The following NAALADL2 variants were observed in gnomAD, a reference collection of about 807,000 sequenced individuals.
The protein encoded by NAALADL2 is inactive N-acetylated-alpha-linked acidic dipeptidase-like protein 2.
NAALADL2 carries 76 observed loss-of-function variants against 87.2 expected under a neutral mutation model. The observed-to-expected ratio is 0.87, with a 90% CI of 0.72 to 1.05. The LOEUF is 1.05. Ranked by LOEUF, NAALADL2 falls within the 50% of genes least tolerant of loss-of-function variation. The pLI is 0.00. For missense variants in NAALADL2, 1,089 were observed against 945.8 expected (o/e 1.15, Z -1.99); for synonymous variants, 354 against 331.0 (o/e 1.07, Z -0.75).
intron 3 of NAALADL2, among the ~76,000 whole-genome samples, chr3:175,245,867 C>T (rs79082816): frequency 2.3e-4 from 35 of 152,240 alleles, no homozygotes; most frequent in Non-Finnish European, 5.0e-4. Flanking sequence ...GTACTAGTTA[C>T]CAAATATTTT....
At chr3:175,745,042 C>A (rs1217126556) in intron 12 of NAALADL2, among the ~76,000 whole-genome samples, 2 of 151,868 alleles carry the variant, frequency 1.3e-5, no homozygotes, top group East Asian at 3.9e-4. Context: ...TCTCTGAAAC[C>A]CAATTGCATT....
chr3:175,385,182 A>G (rs1024996938), intron 5 of NAALADL2, among the ~76,000 whole-genome samples: 4 of 152,130 alleles, frequency 2.6e-5, no homozygotes, highest in African/African-American at 9.7e-5. Context: ...GGCCCAATGC[A>G]TCAATTTCCA....
At chr3:174,931,022 T>A (rs1008148154) in intron 1 of NAALADL2, among the ~76,000 whole-genome samples, 1 of 151,872 alleles carries the variant, frequency 6.6e-6, no homozygotes, top group African/African-American at 2.4e-5. Flanking sequence ...ACTATCAGGT[T>A]CTTGATGAGA....
At chr3:175,488,386 T>C (rs1727608075) in intron 9 of NAALADL2, among the ~76,000 whole-genome samples, 1 of 152,240 alleles carries the variant, frequency 6.6e-6, no homozygotes, top group Non-Finnish European at 1.5e-5. Context: ...TTGTGGGATA[T>C]GTTAAGCATT....
intron 2 of NAALADL2, among the ~76,000 whole-genome samples, chr3:174,578,990 A>G (rs1326190008): frequency 6.6e-6 from 1 of 152,020 alleles, no homozygotes. Context: ...CACAAAGAAA[A>G]ATATGCACAT....
chr3:175,268,942 A>AT (rs71164626), intron 4 of NAALADL2, among the ~76,000 whole-genome samples: 18,947 of 142,956 alleles, frequency 0.13, 1,403 homozygotes, highest in Non-Finnish European at 0.18. Context: ...TAACTATTTA[A>AT]TTTTTTTTTT....
intron 5 of NAALADL2, among the ~76,000 whole-genome samples, chr3:175,353,804 G>A (rs765734631): frequency 1.3e-5 from 2 of 152,218 alleles, no homozygotes; most frequent in Non-Finnish European, 2.9e-5. Flanking sequence ...ACACTGTTTA[G>A]TGGATAAAAA....
intron 10 of NAALADL2, among the ~76,000 whole-genome samples, chr3:175,582,967 A>G (rs1246832249): frequency 6.6e-6 from 1 of 152,094 alleles, no homozygotes; most frequent in Non-Finnish European, 1.5e-5. Context: ...CGTGGAGTCA[A>G]CTACATTCTC....
intron 5 of NAALADL2, among the ~76,000 whole-genome samples, chr3:175,375,537 A>T (rs1005030578): frequency 2.0e-5 from 3 of 152,118 alleles, no homozygotes; most frequent in Non-Finnish European, 2.9e-5. Context: ...TTGATAATTG[A>T]ACTCTTTATT....
intron 5 of NAALADL2, among the ~76,000 whole-genome samples, chr3:175,410,453 A>T (rs1581770944): frequency 6.6e-6 from 1 of 152,262 alleles, no homozygotes; most frequent in East Asian, 1.9e-4. Context: ...AAAATTCAGG[A>T]AACAGATCTT....
At chr3:175,590,338 A>T (rs1242031011) in intron 10 of NAALADL2, among the ~76,000 whole-genome samples, 6 of 133,490 alleles carry the variant, frequency 4.5e-5, no homozygotes, top group Non-Finnish European at 6.5e-5. Context: ...GACCTGTTGA[A>T]TTTTTTTTTT....
At chr3:174,579,975 A>G (rs967387259) in intron 2 of NAALADL2, among the ~76,000 whole-genome samples, 1 of 152,080 alleles carries the variant, frequency 6.6e-6, no homozygotes, top group Non-Finnish European at 1.5e-5. Context: ...TGAGAGGGAA[A>G]AAAAATAAGA....
chr3:174,767,713 T>C lies in NAALADL2; in HGVS notation c.-9+29967T>C, dbSNP rs148529189. Among the ~76,000 whole-genome samples the C allele has an allele frequency of 2.3e-3, 355 of 152,356 alleles. 2 individuals carry two copies. Among genetic ancestry groups the C allele is most frequent in the African/African-American group, 8.1e-3 (337 of 41,586 alleles). ...GAACTTTCTCTTGGAGCTTTTATTT[T>C]CTGGTTCTATTTTCTCAATTCTCCA... On this transcript the variant is annotated intron_variant, in intron 3 of 3. Transcript: ENST00000434257.
chr3:174,669,198 T>G lies in NAALADL2; in HGVS notation c.-114-68443T>G, dbSNP rs9827092. ...ATGATGAGCATTTTTTCATGTGTCT[T>G]TTGGCTGCATAAATGTCTTCTTTTG... On this transcript the variant is annotated intron_variant, in intron 2 of 3. Transcript: ENST00000434257. 2.9e-3 allele frequency among the ~76,000 whole-genome samples: 442 copies of G among 152,260 alleles called. 4 individuals are homozygous for G. The highest frequency in any genetic ancestry group is 0.01 in the African/African-American group (423 of 41,562).
intron 9 of NAALADL2, among the ~76,000 whole-genome samples, chr3:175,500,829 A>G (rs1322025320): frequency 1.3e-5 from 2 of 152,162 alleles, no homozygotes; most frequent in African/African-American, 4.8e-5. Context: ...TCCAGAGTCT[A>G]TTCTCATCAA....
At chr3:175,643,105 C>A (rs1729518886) in intron 11 of NAALADL2, among the ~76,000 whole-genome samples, 1 of 151,998 alleles carries the variant, frequency 6.6e-6, no homozygotes, top group Non-Finnish European at 1.5e-5. Context: ...TATATGTAAA[C>A]CTGGTTTTGT....
At chr3:174,510,599 A>G (rs562294235) in intron 1 of NAALADL2, among the ~76,000 whole-genome samples, 1 of 151,880 alleles carries the variant, frequency 6.6e-6, no homozygotes, top group South Asian at 2.1e-4. Context: ...TTTCTTGATA[A>G]ATCTGGTTAG....
intron 1 of NAALADL2, among the ~76,000 whole-genome samples, chr3:174,921,788 G>A (rs1386305968): frequency 8.1e-6 from 1 of 123,748 alleles, no homozygotes; most frequent in Non-Finnish European, 1.6e-5. Context: ...CTGGGCAACA[G>A]AGCAAGACTC....
chr3:175,089,963 CTT>C (rs963475356), intron 1 of NAALADL2, among the ~76,000 whole-genome samples: 1 of 151,994 alleles, frequency 6.6e-6, no homozygotes, highest in African/African-American at 2.4e-5. Context: ...CTCCTCCACT[CTT>C]TTTTTATTTT....
Sources: gnomAD v4.1 joint callset for allele counts (sites outside exome capture counted in the v4.1 genomes callset) on GRCh38, gnomAD v4.1.1 for gene constraint, MANE v1.5 for transcripts, NCBI Gene and HGNC (gene_info 2026-07-23, HGNC 2026-07-21) for gene names.